Variants in TRIM9 observed in about 807,000 individuals in gnomAD.
TRIM9 encodes tripartite motif containing 9.
TRIM9 carries 26 observed loss-of-function variants against 78.3 expected under a neutral mutation model. That is an observed-to-expected ratio of 0.33 (90% confidence interval 0.24 to 0.46). The LOEUF (loss-of-function observed/expected upper bound fraction) is 0.46. TRIM9 is among the 20% of genes least tolerant of loss of function. TRIM9 has a pLI of 1.00. For missense variants in TRIM9, 787 were observed against 1,036.4 expected (o/e 0.76, Z 3.30); for synonymous variants, 398 against 416.5 (o/e 0.96, Z 0.54).
At chr14:51,010,282 G>C in intron 4 of TRIM9, 102 bp downstream of exon 4, 1 of 844,558 alleles carries the variant, frequency 1.2e-6, no homozygotes, top group Non-Finnish European at 1.9e-6. Flanking sequence ...TGTTATTGAG[G>C]GACACAGGCC....
chr14:50,983,469 G>A (rs1458615196), intron 8 of TRIM9, 48 bp from the exon 9 acceptor site: 4 of 1,455,926 alleles, frequency 2.7e-6, no homozygotes, highest in Non-Finnish European at 1.9e-6. Context: ...CAACCAGGTT[G>A]ATAAAAATTA....
At chr14:50,989,857 G>A (rs2053261871) in intron 7 of TRIM9, among the ~76,000 whole-genome samples, 1 of 152,064 alleles carries the variant, frequency 6.6e-6, no homozygotes, top group Non-Finnish European at 1.5e-5. Context: ...ACTAGGATTG[G>A]CTGGAGTCTG....
At chr14:51,083,638 A>G (rs1248169240) in intron 1 of TRIM9, among the ~76,000 whole-genome samples, 1 of 148,282 alleles carries the variant, frequency 6.7e-6, no homozygotes, top group Non-Finnish European at 1.5e-5. Context: ...AAAAAGTAAG[A>G]GAAGGAAATC....
rs756124111 is a variant in TRIM9, at chr14:51,009,161, T to A, written c.1225A>T (p.Met409Leu). Residue 409 changes from methionine (M) to leucine (L), a missense_variant, in exon 5 of 13, where the codon ATG (methionine) becomes TTG (leucine). Transcript: ENST00000684578. ...AGACTCAAGTCAAAGTCCGTGGTCA[T>A]CCTTGGAGTGAGTGTGCCTTTACCC... ...QWGKGTLTPR[M>L]TTDFDLSLDN... 3.1e-6 allele frequency: 5 copies of A among 1,614,012 alleles called. No homozygotes were observed. Among genetic ancestry groups the A allele is most frequent in the Non-Finnish European group, 2.5e-6 (3 of 1,179,980 alleles).
chr14:51,081,059 G>A (rs2140305998), intron 1 of TRIM9, among the ~76,000 whole-genome samples: 1 of 152,264 alleles, frequency 6.6e-6, no homozygotes, highest in Non-Finnish European at 1.5e-5. Flanking sequence ...TTTTCCTCCT[G>A]TGAGTGTCTG....
chr14:51,063,027 C>CTGAGA (rs1284150861), intron 1 of TRIM9, among the ~76,000 whole-genome samples: 1 of 152,054 alleles, frequency 6.6e-6, no homozygotes, highest in East Asian at 1.9e-4. Flanking sequence ...CAGAAACACC[C>CTGAGA]TGAGATGAGC....
At chr14:51,023,064 C>G in intron 2 of TRIM9, 107 bp from the exon 3 acceptor site, 1 of 1,403,852 alleles carries the variant, frequency 7.1e-7, no homozygotes, top group Non-Finnish European at 9.7e-7. Flanking sequence ...GGAACTCTGT[C>G]CACAATGCAC....
At chr14:50,997,242 A>G (rs1339436548) in intron 7 of TRIM9, 2 of 985,302 alleles carry the variant, frequency 2.0e-6, no homozygotes, top group East Asian at 2.3e-4. Flanking sequence ...CTCAGAGGTT[A>G]TATCTGGCCA....
chr14:50,982,166 T>A, intron 10 of TRIM9, 63 bp from the exon 11 acceptor site: 1 of 1,573,422 alleles, frequency 6.4e-7, no homozygotes, highest in Non-Finnish European at 8.7e-7. Flanking sequence ...CACCATAACA[T>A]ACTCCTGGGC....
chr14:50,986,627 T>C (rs2052752662), intron 7 of TRIM9, among the ~76,000 whole-genome samples: 1 of 152,196 alleles, frequency 6.6e-6, no homozygotes, highest in African/African-American at 2.4e-5. Context: ...TCTCTCCTAA[T>C]GTGTATTTTT....
intron 1 of TRIM9, among the ~76,000 whole-genome samples, chr14:51,028,994 C>T (rs574468751): frequency 3.3e-5 from 5 of 152,150 alleles, no homozygotes; most frequent in Non-Finnish European, 5.9e-5. Flanking sequence ...CTGTGGAGGA[C>T]GTTTCAGGAC....
At chr14:51,031,031 C>T (rs1306250687) in intron 1 of TRIM9, among the ~76,000 whole-genome samples, 4 of 151,284 alleles carry the variant, frequency 2.6e-5, no homozygotes, top group African/African-American at 9.7e-5. Context: ...GCCTGTAACT[C>T]CAGCTATTCA....
rs369652663 is a variant in TRIM9, at chr14:51,015,505, C to CTTTTTTT, written c.1042-5018_1042-5012dup. 1.8e-3 allele frequency among the ~76,000 whole-genome samples: 111 copies of CTTTTTTT among 61,330 alleles called. 14 individuals are homozygous for CTTTTTTT. The highest frequency in any genetic ancestry group is 3.9e-3 in the African/African-American group (57 of 14,672). The allele number at this position is 61,330 out of a possible 152,430, so 40.2% of individuals were successfully genotyped here. A position where few individuals can be genotyped will look rare whatever the true frequency, so the allele number is the denominator to read the frequency against. On this transcript the variant is annotated intron_variant, in intron 3 of 12. Coordinates refer to ENST00000684578, the MANE Select transcript of TRIM9 (RefSeq NM_001387360.1). ...AATGCTTTTTTCTTTCTTTACTTTT[C>CTTTTTTT]TTTTTTTTTTTTTTTTTTTTTTTTT...
At chr14:51,009,425 C>A (rs371142881) in intron 4 of TRIM9, among the ~76,000 whole-genome samples, 192 bp from the exon 5 acceptor site, 1 of 152,192 alleles carries the variant, frequency 6.6e-6, no homozygotes, top group Non-Finnish European at 1.5e-5. Flanking sequence ...CAAATCTGAA[C>A]ACTTTTGTGA....
chr14:51,065,588 A>G (rs1258874570), intron 1 of TRIM9, among the ~76,000 whole-genome samples: 2 of 152,224 alleles, frequency 1.3e-5, no homozygotes, highest in Non-Finnish European at 2.9e-5. Context: ...CCCTCCTTTG[A>G]CAAGTGTAGA....
chr14:50,987,380 T>C lies in TRIM9; in HGVS notation c.1604-1236A>G, dbSNP rs2275461. 3.0e-3 allele frequency among the ~76,000 whole-genome samples: 456 copies of C among 152,362 alleles called. 5 individuals carry two copies. In the South Asian group the frequency reaches 0.035, roughly 12 times the overall value. On this transcript the variant is annotated intron_variant, in intron 7 of 12. Coordinates refer to ENST00000684578, the MANE Select transcript of TRIM9 (RefSeq NM_001387360.1). ...ACAAGGGCATTGGCAAGTTTTAATT[T>C]AATACCTCCAAGAGTCAGCCTCTGA...
Position 51,025,149 on chromosome 14 carries a change from C to A in TRIM9, c.918+116G>T, listed in dbSNP as rs576276802. 51 of 935,510 alleles carry A rather than the reference C, an allele frequency of 5.5e-5. No individual in the cohort carries two copies. The African/African-American group carries it at 8.2e-4, about 15-fold the overall frequency. The allele number at this position is 935,510 out of a possible 1,614,324, so 58.0% of individuals were successfully genotyped here. ...TTTGTATGTAAAGAACAACAACAAC[C>A]ACAAAATAGGAATTTTCCCACGACA... On this transcript the variant is annotated intron_variant, in intron 2 of 12. Transcript: ENST00000684578.
intron 3 of TRIM9, among the ~76,000 whole-genome samples, chr14:51,014,020 T>C (rs2056875069): frequency 6.6e-6 from 1 of 152,190 alleles, no homozygotes; most frequent in Admixed American, 6.5e-5. Flanking sequence ...TGCCCTTGAC[T>C]ACAGGTACTG....
chr14:51,020,506 T>C (rs1013805047), intron 3 of TRIM9, among the ~76,000 whole-genome samples: 1 of 152,202 alleles, frequency 6.6e-6, no homozygotes, highest in East Asian at 1.9e-4. Flanking sequence ...CAGGGTGGAA[T>C]GAGGGCAGGC....
Sources: allele counts gnomAD v4.1 joint callset (sites outside exome capture counted in the v4.1 genomes callset), GRCh38; gene constraint gnomAD v4.1.1; transcripts MANE v1.5; gene names NCBI Gene and HGNC (gene_info 2026-07-23, HGNC 2026-07-21).